ITPKB: variants seen among roughly 807,000 people sequenced by gnomAD.
The protein encoded by ITPKB is inositol-trisphosphate 3-kinase B, also known as IP3 3-kinase B.
ITPKB carries 13 observed loss-of-function variants against 69.4 expected under a neutral mutation model. The ratio of observed to expected loss-of-function variants is 0.19; its 90% CI spans 0.12 to 0.30. The LOEUF is 0.30. Ranked by LOEUF, ITPKB falls within the 10% of genes least tolerant of loss-of-function variation. The pLI is 1.00. For missense variants in ITPKB, 1,240 were observed against 1,250.5 expected, an observed-to-expected ratio of 0.99 and a Z score of 0.13; for synonymous variants, 584 against 513.7, an observed-to-expected ratio of 1.14 and a Z score of -1.85.
In ITPKB at chr1:226,641,948, G is replaced by C; in HGVS notation, c.2424C>G (p.Thr808=). The C allele has an allele frequency of 1.2e-6, 2 of 1,614,016 alleles. No homozygotes were observed. The highest frequency in any genetic ancestry group is 1.7e-6 in the Non-Finnish European group (2 of 1,179,980). The change falls in exon 5 of 8, where the codon ACC becomes ACG. Residue 808 remains threonine, a synonymous_variant. Transcript: ENST00000429204. The surrounding 1 kb of genome is among the most constrained non-coding windows in gnomAD (Gnocchi z 4.6). ...TGATTCCCTCGATCCTGAACCCCAGGGTGGCCGTGGAGCTGATGGTCTCCC... is the reference window on the plus strand; with the variant it reads ...TGATTCCCTCGATCCTGAACCCCAGCGTGGCCGTGGAGCTGATGGTCTCCC... ...QWRETISSTA[T]LGFRIEGIKK... is the part of the protein sequence containing the mutation.
chr1:226,650,083 G>A (rs1192720904), intron 2 of ITPKB, among the ~76,000 whole-genome samples: 1 of 152,184 alleles, frequency 6.6e-6, no homozygotes, highest in Admixed American at 6.5e-5. Flanking sequence ...CTGCCTGACA[G>A]GGGGACACAC....
intron 2 of ITPKB, among the ~76,000 whole-genome samples, chr1:226,734,488 T>A (rs543062219): frequency 6.6e-6 from 1 of 152,318 alleles, no homozygotes; most frequent in South Asian, 2.1e-4. Context: ...GAAGGCTACC[T>A]ACTATAATAA....
intron 2 of ITPKB, among the ~76,000 whole-genome samples, chr1:226,658,391 T>TGGGGCCAAAAGCGAAACCTGCCC (rs1285357708): frequency 6.6e-6 from 1 of 152,108 alleles, no homozygotes; most frequent in Non-Finnish European, 1.5e-5. Flanking sequence ...GAAACCTGGC[T>TGGGGCCAAAAGCGAAACCTGCCC]GGGGCCAAAA....
chr1:226,724,644 AAC>A (rs1467918614), intron 2 of ITPKB, among the ~76,000 whole-genome samples: 1 of 152,180 alleles, frequency 6.6e-6, no homozygotes, highest in Admixed American at 6.5e-5. Context: ...GATAGGAAGT[AAC>A]AGAGTTTAGA....
At position 226,735,599 on chromosome 1, in the gene ITPKB, G is replaced by A. The variant is rs145677527; in HGVS notation, c.1860C>T (p.Ser620=). The change falls in exon 2 of 8, where the codon TCC becomes TCT. Residue 620 remains serine (S), a synonymous_variant. Transcript: ENST00000429204. ...GGTCCAGGGTGCGCTCAGGGTCACT[G>A]GAGATGTCCTCCTCTGAGTCTTCGT... ...SSYEDSEEDI[S]SDPERTLDPN... 195 of 1,601,324 alleles carry A rather than the reference G, an allele frequency of 1.2e-4. 1 individual carries two copies. The highest frequency in any genetic ancestry group is 3.0e-4 in the South Asian group (27 of 89,300).
intron 2 of ITPKB, among the ~76,000 whole-genome samples, chr1:226,668,100 C>G (rs1049172956): frequency 2.0e-5 from 3 of 152,110 alleles, no homozygotes; most frequent in Non-Finnish European, 4.4e-5. Flanking sequence ...TTACCATGAC[C>G]ATGAGCTGGC....
At chr1:226,665,427 G>A (rs1669477936) in intron 2 of ITPKB, among the ~76,000 whole-genome samples, 1 of 152,212 alleles carries the variant, frequency 6.6e-6, no homozygotes, top group African/African-American at 2.4e-5. Context: ...GCACAGCAAG[G>A]CCTCATCCCC....
At chr1:226,731,152 G>T (rs1246119259) in intron 2 of ITPKB, among the ~76,000 whole-genome samples, 1 of 152,212 alleles carries the variant, frequency 6.6e-6, no homozygotes, top group Non-Finnish European at 1.5e-5. Context: ...TTTTGGCTCT[G>T]TGTGGGCAAG....
intron 2 of ITPKB, among the ~76,000 whole-genome samples, chr1:226,715,966 A>G (rs557359999): frequency 6.6e-6 from 1 of 152,288 alleles, no homozygotes; most frequent in Admixed American, 6.5e-5. Flanking sequence ...GCCCGTCATA[A>G]TGCCCGGCTA....
chr1:226,681,890 C>T (rs189167402), intron 2 of ITPKB, among the ~76,000 whole-genome samples: 5 of 152,276 alleles, frequency 3.3e-5, no homozygotes, highest in Non-Finnish European at 5.9e-5. Context: ...GGAGTTCAGA[C>T]GCTGCTTATA....
At chr1:226,681,733 T>C (rs2102774355) in intron 2 of ITPKB, among the ~76,000 whole-genome samples, 1 of 152,268 alleles carries the variant, frequency 6.6e-6, no homozygotes, top group South Asian at 2.1e-4. Flanking sequence ...GCCTGGGCAC[T>C]AAAAAAGGGA....
At position 226,711,683 on chromosome 1, in the gene ITPKB, TGACGAGTGC is replaced by T. The variant is rs1427343782; in HGVS notation, c.1932+23835_1932+23843del. Among the ~76,000 whole-genome samples, 5 of 152,174 alleles carry T rather than the reference TGACGAGTGC, an allele frequency of 3.3e-5. No homozygotes were observed. In the East Asian group the frequency reaches 9.6e-4, roughly 29 times the overall value. On this transcript the variant is annotated intron_variant, in intron 2 of 7. Coordinates refer to ENST00000429204, the MANE Select transcript of ITPKB (RefSeq NM_002221.4). Reference sequence around the variant, plus strand: ...GACCTCCCATCATTTGTCCTGGCGATGACGAGTGCTGAACAGAAGTTCCTCAGGAGTGTT... The same window carrying T: ...GACCTCCCATCATTTGTCCTGGCGATTGAACAGAAGTTCCTCAGGAGTGTT...
chr1:226,737,495 C>A lies in ITPKB; in HGVS notation c.-37G>T, dbSNP rs575715235. The A allele has an allele frequency of 1.3e-6, 2 of 1,482,512 alleles. No individual in the cohort carries two copies. Among genetic ancestry groups the A allele is most frequent in the South Asian group, 2.9e-5 (2 of 69,868 alleles). The allele number at this position is 1,482,512 out of a possible 1,614,324, so 91.8% of individuals were successfully genotyped here. ...CCGCGCTGCCCGCCGCCGCGGCTCC[C>A]GCTCCTGCTCCGCCGCCGGCGCCTC... is the stretch of plus-strand genomic sequence containing the variant. On this transcript the variant is annotated 5_prime_UTR_variant, in exon 2 of 8. Transcript: ENST00000429204.
chr1:226,653,465 G>A (rs943444837), intron 2 of ITPKB, among the ~76,000 whole-genome samples: 4 of 152,198 alleles, frequency 2.6e-5, no homozygotes, highest in Non-Finnish European at 5.9e-5. Flanking sequence ...GGAGCCCAGG[G>A]CCCCTGGTGC....
intron 2 of ITPKB, among the ~76,000 whole-genome samples, chr1:226,685,928 T>C (rs1656207659): frequency 6.6e-6 from 1 of 151,914 alleles, no homozygotes; most frequent in East Asian, 1.9e-4. Context: ...ATGAATGTGA[T>C]GCAAGACAAG....
intron 2 of ITPKB, among the ~76,000 whole-genome samples, chr1:226,676,572 A>C (rs921770311): frequency 1.3e-5 from 2 of 152,230 alleles, no homozygotes; most frequent in African/African-American, 2.4e-5. Context: ...CCCGGCTCCC[A>C]GGGTTATTAT....
In ITPKB at chr1:226,634,573, G is replaced by A. The variant is rs1668788596; in HGVS notation, c.*98C>T. 1.5e-6 allele frequency: 1 copy of A among 657,276 alleles called. No homozygotes were observed. Among genetic ancestry groups the A allele is most frequent in the South Asian group, 1.7e-5 (1 of 57,948 alleles). The allele number at this position is 657,276 out of a possible 1,614,324, so 40.7% of individuals were successfully genotyped here. The stretch of plus-strand genomic sequence containing the variant: ...GTGTCTTGTAGTGCAGTTCAGGAGG[G>A]TCAGTCAGGTGTAAGTGAAGGAAAA... On this transcript the variant is annotated 3_prime_UTR_variant, in exon 8 of 8. Coordinates refer to ENST00000429204, the MANE Select transcript of ITPKB (RefSeq NM_002221.4). The surrounding 1 kb of genome is among the most constrained non-coding windows in gnomAD (Gnocchi z 6.3).
intron 2 of ITPKB, among the ~76,000 whole-genome samples, chr1:226,698,055 G>A (rs1656538054): frequency 6.6e-6 from 1 of 152,228 alleles, no homozygotes; most frequent in Non-Finnish European, 1.5e-5. Flanking sequence ...GAATCTGTCT[G>A]CCCAACCGGT....
chr1:226,720,906 G>C (rs1390969970), intron 2 of ITPKB, among the ~76,000 whole-genome samples: 1 of 151,918 alleles, frequency 6.6e-6, no homozygotes, highest in Non-Finnish European at 1.5e-5. Context: ...GCCAGGCATG[G>C]TGGCACCTGT....
Sources: gnomAD v4.1 joint callset for allele counts (sites outside exome capture counted in the v4.1 genomes callset) on GRCh38, gnomAD v4.1.1 for gene constraint, Gnocchi (gnomAD v3.1) non-coding constraint, MANE v1.5 for transcripts, NCBI Gene and HGNC (gene_info 2026-07-23, HGNC 2026-07-21) for gene names.